NR6A1: variants seen among roughly 807,000 people sequenced by gnomAD.
The protein encoded by NR6A1 is retinoic acid receptor-related testis-associated receptor.
In NR6A1, 7 loss-of-function variants were observed where a neutral mutation model predicts 59.1. That is an observed-to-expected ratio of 0.12 (90% CI 0.07 to 0.22). NR6A1 has a LOEUF of 0.22. Ranked by LOEUF, NR6A1 falls within the 10% of genes least tolerant of loss-of-function variation. The pLI is 1.00. For synonymous variants in NR6A1, 243 were observed against 236.1 expected, an observed-to-expected ratio of 1.03 and a Z score of -0.27; for missense variants, 468 against 611.6, an observed-to-expected ratio of 0.77 and a Z score of 2.48.
chr9:124,524,232 C>T (rs1271365177), intron 9 of NR6A1, among the ~76,000 whole-genome samples: 2 of 152,176 alleles, frequency 1.3e-5, no homozygotes, highest in Non-Finnish European at 2.9e-5. Context: ...GCTGGGATTA[C>T]AGGCAGGAGC....
intron 2 of NR6A1, among the ~76,000 whole-genome samples, chr9:124,689,832 CCT>C (rs1237743481): frequency 6.6e-6 from 1 of 152,144 alleles, no homozygotes; most frequent in African/African-American, 2.4e-5. Flanking sequence ...AGAATTAACC[CCT>C]CTTTTCTCTG....
chr9:124,737,803 T>C (rs1354474825), intron 1 of NR6A1, among the ~76,000 whole-genome samples: 3 of 151,884 alleles, frequency 2.0e-5, no homozygotes, highest in Admixed American at 6.6e-5. Context: ...AGGCAGAGGT[T>C]GTAGTGAGCC....
intron 2 of NR6A1, among the ~76,000 whole-genome samples, chr9:124,687,714 G>T (rs1200982036): frequency 1.3e-5 from 2 of 152,120 alleles, no homozygotes; most frequent in African/African-American, 4.8e-5. Context: ...CTTAAAACCA[G>T]AATTAGTAGT....
chr9:124,691,808 G>C (rs551730234), intron 2 of NR6A1, among the ~76,000 whole-genome samples: 1 of 152,286 alleles, frequency 6.6e-6, no homozygotes, highest in East Asian at 1.9e-4. Flanking sequence ...CAATCATGGA[G>C]GTCGAGGTTT....
Position 124,522,564 on chromosome 9 carries a change from A to C in NR6A1, c.*141T>G, listed in dbSNP as rs1047203572. 1 of 554,292 alleles carries C rather than the reference A, an allele frequency of 1.8e-6. No homozygotes were observed. Among genetic ancestry groups the C allele is most frequent in the African/African-American group, 1.9e-5 (1 of 52,910 alleles). The allele number at this position is 554,292 out of a possible 1,614,324, so 34.3% of individuals were successfully genotyped here. ...ATGAGGTTAAAAAAACAGACAAACA[A>C]ACAAAAACTCTTCTTGCTATGGAGG... is the stretch of plus-strand genomic sequence containing the variant. On this transcript the variant is annotated 3_prime_UTR_variant, in exon 10 of 10. Coordinates refer to ENST00000487099, the MANE Select transcript of NR6A1 (RefSeq NM_033334.4).
intron 2 of NR6A1, among the ~76,000 whole-genome samples, chr9:124,576,523 A>C (rs1834599535): frequency 6.6e-6 from 1 of 152,088 alleles, no homozygotes; most frequent in Admixed American, 6.6e-5. Context: ...TCCTGACCTC[A>C]TGATCTGCCC....
intron 1 of NR6A1, among the ~76,000 whole-genome samples, chr9:124,742,726 A>C (rs554211115): frequency 1.5e-3 from 223 of 151,922 alleles, no homozygotes; most frequent in Non-Finnish European, 2.5e-3. Context: ...AACACAAAAA[A>C]TTAGCCAGGC....
At chr9:124,566,671 G>T (rs1376051948) in intron 2 of NR6A1, among the ~76,000 whole-genome samples, 1 of 152,204 alleles carries the variant, frequency 6.6e-6, no homozygotes, top group Non-Finnish European at 1.5e-5. Context: ...GGACCACAGA[G>T]GAGAGATGAA....
chr9:124,707,261 C>G (rs947904467), intron 2 of NR6A1, among the ~76,000 whole-genome samples: 9 of 152,112 alleles, frequency 5.9e-5, no homozygotes, highest in Admixed American at 1.3e-4. Context: ...ATTCTTTCAT[C>G]ACCTCAAACC....
At chr9:124,666,079 A>C (rs188075745) in intron 2 of NR6A1, among the ~76,000 whole-genome samples, 1 of 152,120 alleles carries the variant, frequency 6.6e-6, no homozygotes, top group East Asian at 1.9e-4. Context: ...TTCCACCTAG[A>C]TTTTTCTCAC....
At position 124,621,473 on chromosome 9, in the gene NR6A1, C is replaced by A. The variant is rs1588715560; in HGVS notation, c.143-66903G>T. On this transcript the variant is annotated intron_variant, in intron 2 of 9. Coordinates refer to ENST00000487099, the MANE Select transcript of NR6A1 (RefSeq NM_033334.4). Reference sequence around the variant, plus strand: ...ACTAGCCTAGGAAACACAGTGAGACCCAATATCTTTAAAAAAAAAAAAAAA... The same window carrying A: ...ACTAGCCTAGGAAACACAGTGAGACACAATATCTTTAAAAAAAAAAAAAAA... Among the ~76,000 whole-genome samples, 4 of 127,394 alleles carry A rather than the reference C, an allele frequency of 3.1e-5. No individual in the cohort carries two copies. The Admixed American group carries it at 3.6e-4, about 11-fold the overall frequency. 83.6% of individuals were successfully genotyped at this position (127,394 alleles called of 152,430 possible).
intron 7 of NR6A1, among the ~76,000 whole-genome samples, chr9:124,530,251 C>T (rs1833064032): frequency 6.6e-6 from 1 of 152,202 alleles, no homozygotes; most frequent in African/African-American, 2.4e-5. Flanking sequence ...CAACAGGCAG[C>T]CACCGTGGAC....
chr9:124,621,483 TA>T (rs11366819), intron 2 of NR6A1, among the ~76,000 whole-genome samples: 79,317 of 143,370 alleles, frequency 0.55, 21,685 homozygotes, highest in Admixed American at 0.64. Context: ...CCAATATCTT[TA>T]AAAAAAAAAA....
At chr9:124,592,467 G>T (rs1172076169) in intron 2 of NR6A1, among the ~76,000 whole-genome samples, 2 of 152,146 alleles carry the variant, frequency 1.3e-5, no homozygotes, top group Admixed American at 1.3e-4. Context: ...TTGTGTCAAG[G>T]AGGTACTGTT....
intron 2 of NR6A1, among the ~76,000 whole-genome samples, chr9:124,716,713 C>A (rs1313058900): frequency 1.3e-5 from 2 of 152,236 alleles, no homozygotes; most frequent in Non-Finnish European, 2.9e-5. Context: ...CTCACTGCAA[C>A]CTCCACCTTT....
chr9:124,754,474 T>C (rs1564268598), intron 1 of NR6A1, among the ~76,000 whole-genome samples: 1 of 152,180 alleles, frequency 6.6e-6, no homozygotes, highest in Admixed American at 6.5e-5. Context: ...GTTCAATTTG[T>C]CTCTACACTG....
chr9:124,680,054 A>C (rs2130990207), intron 2 of NR6A1, among the ~76,000 whole-genome samples: 1 of 151,548 alleles, frequency 6.6e-6, no homozygotes, highest in South Asian at 2.1e-4. Context: ...GTAATTATAC[A>C]TACAGTCAAA....
chr9:124,709,776 A>G (rs1295899063), intron 2 of NR6A1, among the ~76,000 whole-genome samples: 2 of 152,042 alleles, frequency 1.3e-5, no homozygotes, highest in African/African-American at 4.8e-5. Flanking sequence ...TCTACTAAAA[A>G]TACAAAAAAT....
At chr9:124,596,321 G>A (rs1835270467) in intron 2 of NR6A1, among the ~76,000 whole-genome samples, 2 of 151,904 alleles carry the variant, frequency 1.3e-5, no homozygotes, top group South Asian at 4.2e-4. Context: ...GGTATGGGGG[G>A]CGTGCAGAAG....
Sources: allele counts gnomAD v4.1 joint callset (sites outside exome capture counted in the v4.1 genomes callset), GRCh38; gene constraint gnomAD v4.1.1; transcripts MANE v1.5; gene names NCBI Gene and HGNC (gene_info 2026-07-23, HGNC 2026-07-21).